The following SLC14A2 variants were observed in gnomAD, a reference collection of about 807,000 sequenced individuals.
SLC14A2 encodes urea transporter 2.
In SLC14A2, 91 loss-of-function variants were observed where a neutral mutation model predicts 104.6. The ratio of observed to expected loss-of-function variants is 0.87; its 90% CI spans 0.73 to 1.04. The LOEUF (loss-of-function observed/expected upper bound fraction) is 1.04, where lower values mean the gene tolerates loss of function less well. Among genes scored for constraint, SLC14A2 ranks in the 50% least tolerant of loss-of-function variants. The pLI is 0.00. For missense variants in SLC14A2, 1,189 were observed against 1,156.0 expected (o/e 1.03, Z -0.41); for synonymous variants, 476 against 466.4 (o/e 1.02, Z -0.27).
intron 4 of SLC14A2, among the ~76,000 whole-genome samples, chr18:45,628,882 C>T (rs1005348009): frequency 2.6e-5 from 4 of 152,096 alleles, no homozygotes; most frequent in African/African-American, 9.7e-5. Flanking sequence ...AACTGAGAAG[C>T]ACTGTCATAT....
intron 2 of SLC14A2, among the ~76,000 whole-genome samples, chr18:45,526,844 GA>G (rs2043599813): frequency 6.6e-6 from 1 of 152,142 alleles, no homozygotes; most frequent in Non-Finnish European, 1.5e-5. Flanking sequence ...GACAAGGAGG[GA>G]GTTGCTAAGA....
At chr18:45,655,762 A>G (rs2045825787) in intron 10 of SLC14A2, among the ~76,000 whole-genome samples, 1 of 152,242 alleles carries the variant, frequency 6.6e-6, no homozygotes, top group African/African-American at 2.4e-5. Flanking sequence ...GATTGGGATG[A>G]CACACAGGTG....
At chr18:45,175,112 A>G in the SLC14A2 span, among the ~76,000 whole-genome samples, 1 of 152,192 alleles carries the variant, frequency 6.6e-6, no homozygotes, top group African/African-American at 2.4e-5. Flanking sequence ...CTGTAATCCC[A>G]GTCCTGGGAA....
chr18:45,586,549 G>A (rs2144373869), intron 2 of SLC14A2, among the ~76,000 whole-genome samples: 1 of 152,298 alleles, frequency 6.6e-6, no homozygotes, highest in African/African-American at 2.4e-5. Flanking sequence ...ATTCTGCAGG[G>A]GAACAAGAGT....
intron 1 of SLC14A2, among the ~76,000 whole-genome samples, chr18:45,353,640 CG>C (rs1029238330): frequency 3.9e-5 from 6 of 152,174 alleles, no homozygotes; most frequent in African/African-American, 1.4e-4. Context: ...CCCACCACAT[CG>C]TTAAGCCTCA....
chr18:45,177,652 A>G, the SLC14A2 span, among the ~76,000 whole-genome samples: 1 of 152,052 alleles, frequency 6.6e-6, no homozygotes, highest in African/African-American at 2.4e-5. Flanking sequence ...GATCACTTCC[A>G]ATATTCACTC....
intron 2 of SLC14A2, among the ~76,000 whole-genome samples, chr18:45,540,887 C>T (rs950848862): frequency 1.3e-5 from 2 of 152,152 alleles, no homozygotes; most frequent in African/African-American, 2.4e-5. Context: ...GTCTTGCCCT[C>T]GCCCTTAAGA....
At position 45,258,656 on chromosome 18, in the gene SLC14A2, T is replaced by C. The variant is rs1265764600; in HGVS notation, c.-125+45465T>C. Reference sequence around the variant, plus strand: ...TTGATCAATTGATTTGGATGACCATTTTAATAATCATCCTTTTATTCTTTG... The same window carrying C: ...TTGATCAATTGATTTGGATGACCATCTTAATAATCATCCTTTTATTCTTTG... On this transcript the variant is annotated intron_variant, in intron 1 of 20. Coordinates refer to the SLC14A2 transcript ENST00000586448. 7.7e-5 allele frequency among the ~76,000 whole-genome samples: 11 copies of C among 143,434 alleles called. 1 individual carries two copies. Among genetic ancestry groups the C allele is most frequent in the African/African-American group, 3.0e-4 (11 of 36,566 alleles). 94.1% of individuals were successfully genotyped at this position (143,434 alleles called of 152,430 possible).
intron 1 of SLC14A2, among the ~76,000 whole-genome samples, chr18:45,357,851 G>A (rs1244683534): frequency 6.6e-6 from 1 of 152,200 alleles, no homozygotes; most frequent in Non-Finnish European, 1.5e-5. Context: ...AAAGCCCCCA[G>A]CTCTGAAGCA....
Position 45,681,307 on chromosome 18 carries a change from G to A in SLC14A2, c.2563-1012G>A, listed in dbSNP as rs1174648879. 8.5e-4 allele frequency among the ~76,000 whole-genome samples: 2 copies of A among 2,350 alleles called. 1 individual carries two copies. Among genetic ancestry groups the A allele is most frequent in the African/African-American group, 8.7e-4 (2 of 2,302 alleles). The allele number at this position is 2,350 out of a possible 152,430, so 1.5% of individuals were successfully genotyped here. On this transcript the variant is annotated intron_variant, in intron 19 of 19. Transcript: ENST00000255226. ...TCTCGATCTCCTGACCTCGTGATCCGCCCGCCTCGGCCTCCCAAAGTGCTG... is the reference window on the plus strand; with the variant it reads ...TCTCGATCTCCTGACCTCGTGATCCACCCGCCTCGGCCTCCCAAAGTGCTG...
At chr18:45,327,465 C>A (rs887013904) in intron 1 of SLC14A2, among the ~76,000 whole-genome samples, 3 of 152,128 alleles carry the variant, frequency 2.0e-5, no homozygotes, top group South Asian at 2.1e-4. Context: ...CATCTCCAGA[C>A]CTTTTTCATC....
intron 1 of SLC14A2, among the ~76,000 whole-genome samples, chr18:45,250,408 A>C (rs1731349760): frequency 6.6e-6 from 1 of 151,932 alleles, no homozygotes; most frequent in South Asian, 2.1e-4. Flanking sequence ...TACATAGCCT[A>C]ATTCTTCCCC....
rs79794645 is a variant in SLC14A2, at chr18:45,405,897, G to A, written c.-124-77336G>A. On this transcript the variant is annotated intron_variant, in intron 1 of 20. Coordinates refer to the SLC14A2 transcript ENST00000586448. ...CTGTGCGACAGGGAGACTCCATCTC[G>A]AAAAAAAAAAAAAAAAAATGCTAAC... Among the ~76,000 whole-genome samples the A allele has an allele frequency of 8.5e-3, 1,093 of 129,230 alleles. 18 individuals carry two copies. The highest frequency in any genetic ancestry group is 0.016 in the Middle Eastern group (4 of 248). The allele number at this position is 129,230 out of a possible 152,430, so 84.8% of individuals were successfully genotyped here.
chr18:45,250,751 C>CTGACTTTTTTGTTTTTTTTTTTTTT (rs1165070845), intron 1 of SLC14A2, among the ~76,000 whole-genome samples: 1 of 113,906 alleles, frequency 8.8e-6, no homozygotes, highest in Non-Finnish European at 1.7e-5. Flanking sequence ...CTAGTGGCTT[C>CTGACTTTTTTGTTTTTTTTTTTTTT]TTCCTTTTTT....
chr18:45,533,161 T>G (rs1228026606), intron 2 of SLC14A2, among the ~76,000 whole-genome samples: 1 of 152,202 alleles, frequency 6.6e-6, no homozygotes, highest in Non-Finnish European at 1.5e-5. Context: ...AAAATTCTCT[T>G]TTTTGGTTGT....
intron 6 of SLC14A2, among the ~76,000 whole-genome samples, chr18:45,639,456 A>C (rs1021830724): frequency 5.9e-5 from 9 of 152,264 alleles, no homozygotes; most frequent in East Asian, 3.9e-4. Flanking sequence ...GAGGAGGTGC[A>C]TTCTGGTCCC....
intron 10 of SLC14A2, among the ~76,000 whole-genome samples, chr18:45,648,255 G>C (rs1245552210): frequency 4.3e-5 from 6 of 138,830 alleles, no homozygotes; most frequent in African/African-American, 1.7e-4. Flanking sequence ...GCCCAGGCTG[G>C]AGTGCAGTGG....
chr18:45,615,836 TGAGA>T (rs779783446), intron 1 of SLC14A2, among the ~76,000 whole-genome samples: 6,294 of 148,552 alleles, frequency 0.042, 185 homozygotes, highest in Non-Finnish European at 0.063. Context: ...TGTGTGTGTG[TGAGA>T]GAGAGAGAGA....
At chr18:45,322,056 A>G (rs986819602) in intron 1 of SLC14A2, among the ~76,000 whole-genome samples, 3 of 152,206 alleles carry the variant, frequency 2.0e-5, no homozygotes, top group Admixed American at 6.5e-5. Flanking sequence ...GGCAGAACAC[A>G]TATTTAAAAG....
Sources: gnomAD v4.1 joint callset for allele counts (sites outside exome capture counted in the v4.1 genomes callset) on GRCh38, gnomAD v4.1.1 for gene constraint, MANE v1.5 for transcripts, NCBI Gene and HGNC (gene_info 2026-07-23, HGNC 2026-07-21) for gene names.